The following IKBKG variants were observed in gnomAD, a reference collection of about 807,000 sequenced individuals.
IKBKG encodes inhibitor of nuclear factor kappa B kinase regulatory subunit gamma.
In IKBKG, 2 loss-of-function variants were observed where a neutral mutation model predicts 13.7. The observed-to-expected ratio is 0.15, with a 90% CI of 0.06 to 0.46. The LOEUF is 0.46. Ranked by LOEUF, IKBKG falls within the 20% of genes least tolerant of loss-of-function variation. The probability of loss-of-function intolerance (pLI) is 0.98; values close to 1 mark genes in which losing one functional copy is unlikely to be tolerated. For missense variants in IKBKG, 53 were observed against 150.3 expected, an observed-to-expected ratio of 0.35 and a Z score of 3.39; for synonymous variants, 22 against 64.4, an observed-to-expected ratio of 0.34 and a Z score of 3.15.
At chrX:154,541,660 C>T (rs2070509794) in intron 1 of IKBKG, among the ~76,000 whole-genome samples, 1 of 111,898 alleles carries the variant, frequency 8.9e-6, no homozygotes, top group South Asian at 3.7e-4. Context: ...TTGGGAGCTT[C>T]TCATCTTCCC....
chrX:154,543,548 G>T (rs1557232477), upstream of IKBKG, among the ~76,000 whole-genome samples: 1 of 112,223 alleles, frequency 8.9e-6, no homozygotes, highest in Non-Finnish European at 1.9e-5. Flanking sequence ...GGGTTGCTCT[G>T]TTGCAGTGCC....
chrX:154,562,650 C>T (rs2071136529), intron 6 of IKBKG, among the ~76,000 whole-genome samples, 160 bp from the exon 7 acceptor site: 1 of 11,022 alleles, frequency 9.1e-5, no homozygotes, highest in South Asian at 3.3e-3. Context: ...ACGCAGCCAT[C>T]TCCCTGTGCA....
chrX:154,551,279 G>C (rs2070924780), intron 1 of IKBKG, among the ~76,000 whole-genome samples: 1 of 110,677 alleles, frequency 9.0e-6, no homozygotes, highest in Non-Finnish European at 1.9e-5. Context: ...CTGGAGACTA[G>C]AAGTCCAAAA....
intron 1 of IKBKG, among the ~76,000 whole-genome samples, chrX:154,550,766 G>A (rs1448415951): frequency 9.0e-6 from 1 of 110,884 alleles, no homozygotes; most frequent in Admixed American, 9.6e-5. Context: ...TCGGCCTCCC[G>A]AGTAGCTGGG....
upstream of IKBKG, chrX:154,546,229 C>T: frequency 8.5e-7 from 1 of 1,177,600 alleles, no homozygotes; most frequent in Non-Finnish European, 1.1e-6. Context: ...TAGCCCCTTT[C>T]TTGAGAGTTC....
intron 1 of IKBKG, among the ~76,000 whole-genome samples, chrX:154,542,080 CG>C (rs2148339639): frequency 8.9e-6 from 1 of 112,451 alleles, no homozygotes; most frequent in South Asian, 3.6e-4. Flanking sequence ...CTGCTATACC[CG>C]GGGGCTCATG....
intron 1 of IKBKG, among the ~76,000 whole-genome samples, chrX:154,549,985 A>G (rs2070883314): frequency 8.9e-6 from 1 of 111,923 alleles, no homozygotes; most frequent in Non-Finnish European, 1.9e-5. Context: ...TAATGCTGCT[A>G]CAAGCATTCA....
At position 154,547,762 on chromosome X, in the gene IKBKG, C is replaced by G; in HGVS notation, c.-16+17C>G. ...TGCTGACAGGTGTGGTCCTTTTCCC[C>G]AAAGACAGGGTTCCATCCGTGGGCG... On this transcript the variant is annotated intron_variant, in intron 1 of 9. Transcript: ENST00000594239. 7 of 755,072 alleles carry G rather than the reference C, an allele frequency of 9.3e-6. No individual in the cohort carries two copies. Among genetic ancestry groups the G allele is most frequent in the Non-Finnish European group, 1.1e-5 (7 of 639,469 alleles). The allele number at this position is 755,072 out of a possible 1,213,427, so 62.2% of individuals were successfully genotyped here.
chrX:154,549,450 T>G (rs782481581), intron 1 of IKBKG, among the ~76,000 whole-genome samples: 1 of 109,773 alleles, frequency 9.1e-6, no homozygotes, highest in Non-Finnish European at 1.9e-5. Context: ...TTTTTTTTTT[T>G]TGTATTTTTG....
chrX:154,547,247 C>T (rs1259155017), upstream of IKBKG: 2 of 649,675 alleles, frequency 3.1e-6, no homozygotes, highest in East Asian at 3.3e-4. Flanking sequence ...CTCCTCTGGG[C>T]TGTCCCTCGG....
upstream of IKBKG, chrX:154,547,304 C>T: frequency 1.3e-6 from 1 of 751,524 alleles, no homozygotes; most frequent in African/African-American, 2.3e-5. Context: ...GGAACCCTCG[C>T]CTGTTCGCGG....
At chrX:154,551,318 A>G (rs77108259) in intron 1 of IKBKG, among the ~76,000 whole-genome samples, 1 of 110,237 alleles carries the variant, frequency 9.1e-6, no homozygotes, top group Middle Eastern at 4.6e-3. Context: ...CACACCCTCA[A>G]AGGCTCTAAG....
chrX:154,545,418 T>A (rs1362831044), upstream of IKBKG, among the ~76,000 whole-genome samples: 5 of 111,811 alleles, frequency 4.5e-5, no homozygotes, highest in Admixed American at 3.8e-4. Context: ...CATGAACAGG[T>A]CTGAAAAAAC....
rs1557235256 is a variant in IKBKG, at chrX:154,552,207, G to T, written c.187+18G>T. On this transcript the variant is annotated intron_variant, in intron 2 of 9. Coordinates refer to ENST00000594239, the MANE Select transcript of IKBKG (RefSeq NM_001099857.5). ...GCTCCGAGGTGAGGAAAGAGTCAGG[G>T]GATCCAGCCCTGCTGAGGGGAAGGC... 1 of 1,171,809 alleles carries T rather than the reference G, an allele frequency of 8.5e-7. No homozygotes were observed. The highest frequency in any genetic ancestry group is 2.3e-5 in the Admixed American group (1 of 44,288).
At chrX:154,541,660 CTCATCTT>C (rs2070510070) in intron 1 of IKBKG, among the ~76,000 whole-genome samples, 1 of 111,898 alleles carries the variant, frequency 8.9e-6, no homozygotes. Context: ...TTGGGAGCTT[CTCATCTT>C]CCCCACGCCC....
intron 1 of IKBKG, among the ~76,000 whole-genome samples, chrX:154,550,788 G>A (rs1328179804): frequency 1.8e-5 from 2 of 110,673 alleles, no homozygotes; most frequent in Non-Finnish European, 3.8e-5. Context: ...CTACAGGCGC[G>A]TGTCACCACA....
chrX:154,548,033 G>C, intron 1 of IKBKG: 2 of 754,695 alleles, frequency 2.7e-6, no homozygotes, highest in Non-Finnish European at 3.1e-6. Flanking sequence ...ACTTGACTGC[G>C]CTCTATCGAG....
At position 154,547,703 on chromosome X, in the gene IKBKG, C is replaced by T. The variant is rs915027800; in HGVS notation, c.-58C>T. On this transcript the variant is annotated 5_prime_UTR_variant, in exon 1 of 10. Transcript: ENST00000594239. Reference sequence around the variant, plus strand: ...CGGGGCCCTACCAGCGTTCACAGTCCGCCGCTCCCACCCTTCTCACGTCTG... The same window carrying T: ...CGGGGCCCTACCAGCGTTCACAGTCTGCCGCTCCCACCCTTCTCACGTCTG... The T allele has an allele frequency of 4.1e-4, 309 of 754,140 alleles. No individual in the cohort carries two copies. The highest frequency in any genetic ancestry group is 4.7e-4 in the Non-Finnish European group (300 of 639,326). 62.1% of individuals were successfully genotyped at this position (754,140 alleles called of 1,213,427 possible). A position where few individuals can be genotyped will look rare whatever the true frequency, so the allele number is the denominator to read the frequency against.
intron 1 of IKBKG, among the ~76,000 whole-genome samples, chrX:154,551,334 A>C (rs781951492): frequency 9.0e-6 from 1 of 110,775 alleles, no homozygotes; most frequent in South Asian, 3.8e-4. Flanking sequence ...CTAAGAGGGC[A>C]ATCCTCCCTT....
Sources: allele counts gnomAD v4.1 joint callset (sites outside exome capture counted in the v4.1 genomes callset), GRCh38; gene constraint gnomAD v4.1.1; transcripts MANE v1.5; gene names NCBI Gene and HGNC (gene_info 2026-07-23, HGNC 2026-07-21).